Variants in DDX31 observed in about 807,000 individuals in gnomAD.
DDX31 encodes ATP-dependent DNA helicase DDX31.
A neutral mutation model predicts 91.3 loss-of-function variants in DDX31; 70 were observed. The ratio of observed to expected loss-of-function variants is 0.77; its 90% CI spans 0.63 to 0.94. DDX31 has a LOEUF of 0.94. DDX31 is among the 40% of genes least tolerant of loss of function. The probability of loss-of-function intolerance (pLI) is 0.00; values close to 1 mark genes in which losing one functional copy is unlikely to be tolerated. For synonymous variants in DDX31, 362 were observed against 350.6 expected (o/e 1.03, Z -0.36); for missense variants, 902 against 925.0 (o/e 0.98, Z 0.32).
At chr9:132,619,448 C>T (rs1018413055) in intron 17 of DDX31, among the ~76,000 whole-genome samples, 5 of 152,096 alleles carry the variant, frequency 3.3e-5, no homozygotes, top group Non-Finnish European at 5.9e-5. Context: ...TTGTAGAGGA[C>T]GGTGTATGAG....
Position 132,594,539 on chromosome 9 carries a change from G to A in DDX31, c.*327C>T, listed in dbSNP as rs1315783521. The A allele has an allele frequency of 1.6e-5, 4 of 254,302 alleles. No homozygotes were observed. Among genetic ancestry groups the A allele is most frequent in the South Asian group, 1.5e-4 (2 of 13,756 alleles). The allele number at this position is 254,302 out of a possible 1,614,324, so 15.8% of individuals were successfully genotyped here. On this transcript the variant is annotated 3_prime_UTR_variant, in exon 20 of 20. Transcript: ENST00000372159. ...CCCGTTCCAGGCTGACGCGCAGGGC[G>A]TTCTTACATCACATCCCGGGGTGCC...
Position 132,649,973 on chromosome 9 carries a change from T to C in DDX31, c.740+261A>G, listed in dbSNP as rs188230722. Reference sequence around the variant, plus strand: ...ACTAAACCAGGGATGCTATAGAGCATTGGGTAGGTGGGAGTTAAGAAGTTG... The same window carrying C: ...ACTAAACCAGGGATGCTATAGAGCACTGGGTAGGTGGGAGTTAAGAAGTTG... On this transcript the variant is annotated intron_variant, in intron 9 of 19. Coordinates refer to ENST00000372159, the MANE Select transcript of DDX31 (RefSeq NM_022779.9). Among the ~76,000 whole-genome samples the C allele has an allele frequency of 1.7e-3, 263 of 152,244 alleles. 1 individual carries two copies. The highest frequency in any genetic ancestry group is 6.0e-3 in the African/African-American group (249 of 41,544).
intron 6 of DDX31, among the ~76,000 whole-genome samples, chr9:132,653,572 C>CA (rs1834355799): frequency 1.6e-5 from 1 of 61,334 alleles, no homozygotes; most frequent in African/African-American, 5.3e-5. Flanking sequence ...TTAATAGCAA[C>CA]AAAAAAGATA....
chr9:132,653,626 A>G (rs1230972005), intron 6 of DDX31, among the ~76,000 whole-genome samples: 1 of 151,894 alleles, frequency 6.6e-6, no homozygotes, highest in African/African-American at 2.4e-5. Flanking sequence ...ATCTATATGA[A>G]GAAAATTTAA....
chr9:132,663,316 C>T, intron 1 of DDX31: 1 of 1,289,018 alleles, frequency 7.8e-7, no homozygotes, highest in Non-Finnish European at 1.0e-6. Context: ...CGCCCTGTTC[C>T]CATTCCAAAT....
At position 132,650,303 on chromosome 9, in the gene DDX31, A is replaced by G; in HGVS notation, c.676-5T>C. Reference sequence around the variant, plus strand: ...AGGCACAATCCAGGTGAAAGGCTACAGAAAGACAGCAGACCACAGTCAGTG... The same window carrying G: ...AGGCACAATCCAGGTGAAAGGCTACGGAAAGACAGCAGACCACAGTCAGTG... On this transcript the variant is annotated splice_polypyrimidine_tract_variant and splice_region_variant and intron_variant, in intron 8 of 19. Transcript: ENST00000372159. 6.2e-7 allele frequency: 1 copy of G among 1,614,164 alleles called. No individual in the cohort carries two copies. Among genetic ancestry groups the G allele is most frequent in the Non-Finnish European group, 8.5e-7 (1 of 1,179,982 alleles).
rs766265730 is a variant in DDX31, at chr9:132,594,889, T to G, written c.2218A>C (p.Ser740Arg). Residue 740 changes from serine to arginine, a missense_variant, in exon 20 of 20, where the codon AGC becomes CGC. Transcript: ENST00000372159. Reference sequence around the variant, plus strand: ...TTTTAAACTTTCTGGGAAGTCTTGCTGTCCCGCTGTACACCTTTTTGGGTT... The same window carrying G: ...TTTTAAACTTTCTGGGAAGTCTTGCGGTCCCGCTGTACACCTTTTTGGGTT... Reference protein sequence around the residue: ...RKTQKGVQRDSKTSQKV With the variant: ...RKTQKGVQRDRKTSQKV 11 of 1,613,792 alleles carry G rather than the reference T, an allele frequency of 6.8e-6. No homozygotes were observed. In the South Asian group the frequency reaches 1.1e-4, roughly 16 times the overall value.
rs772395819 is a variant in DDX31, at chr9:132,648,417, T to C, written c.860+15A>G. ...CCTTCTCTTCTACCTGTTATCATCC[T>C]GGGACGAGGCTCACCTGTCTGCTTC... is the stretch of plus-strand genomic sequence containing the variant. On this transcript the variant is annotated intron_variant, in intron 10 of 19. Transcript: ENST00000372159. The C allele has an allele frequency of 1.2e-6, 2 of 1,612,252 alleles. No homozygotes were observed. The highest frequency in any genetic ancestry group is 8.5e-7 in the Non-Finnish European group (1 of 1,179,382).
In DDX31 at chr9:132,625,677, C is replaced by A; in HGVS notation, c.1700G>T (p.Arg567Leu). 6.2e-7 allele frequency: 1 copy of A among 1,613,860 alleles called. No individual in the cohort carries two copies. The highest frequency in any genetic ancestry group is 8.5e-7 in the Non-Finnish European group (1 of 1,179,834). Residue 567 changes from arginine to leucine, a missense_variant, in exon 17 of 20, where the codon CGA becomes CTA. Coordinates refer to ENST00000372159, the MANE Select transcript of DDX31 (RefSeq NM_022779.9). ...AACAAAACTCACCTGGGCTCCCCAT[C>A]GTTTCCCTTTAAAACAATCATCTCT... Reference protein sequence around the residue: ...LTRDDCFKGKRWGAQKSHAVG... With the variant: ...LTRDDCFKGKLWGAQKSHAVG...
chr9:132,611,848 A>T (rs1470827338), intron 19 of DDX31, among the ~76,000 whole-genome samples: 1 of 152,086 alleles, frequency 6.6e-6, no homozygotes, highest in East Asian at 1.9e-4. Context: ...GGACCGCAGC[A>T]CAACTGAAGC....
intron 5 of DDX31, 60 bp from the exon 6 acceptor site, chr9:132,658,795 C>G (rs1834748423): frequency 6.6e-7 from 1 of 1,517,450 alleles, no homozygotes; most frequent in African/African-American, 1.4e-5. Flanking sequence ...TTAAGAAAAG[C>G]AAAGGATGTA....
At chr9:132,614,702 G>T (rs921220297) in intron 18 of DDX31, among the ~76,000 whole-genome samples, 1 of 152,150 alleles carries the variant, frequency 6.6e-6, no homozygotes, top group African/African-American at 2.4e-5. Context: ...GCTGAGCACT[G>T]AGAGCATCTG....
chr9:132,646,355 C>T lies in DDX31; in HGVS notation c.1204-284G>A, dbSNP rs151053233. On this transcript the variant is annotated intron_variant, in intron 12 of 19. Coordinates refer to ENST00000372159, the MANE Select transcript of DDX31 (RefSeq NM_022779.9). ...GTGTGGGAGCTCCGTTCCCTTTATT[C>T]GCCCAGGGCTTGCCACATGCAACAC... is the stretch of plus-strand genomic sequence containing the variant. 2.9e-3 allele frequency among the ~76,000 whole-genome samples: 444 copies of T among 152,290 alleles called. 3 individuals carry two copies. The highest frequency in any genetic ancestry group is 0.02 in the Middle Eastern group (6 of 294).
intron 14 of DDX31, chr9:132,638,234 T>C: frequency 6.3e-7 from 1 of 1,576,212 alleles, no homozygotes; most frequent in Non-Finnish European, 8.6e-7. Context: ...AAACCTAATG[T>C]CAGCCTTAAA....
intron 4 of DDX31, among the ~76,000 whole-genome samples, chr9:132,660,251 C>T (rs1401191103): frequency 6.6e-6 from 1 of 151,140 alleles, no homozygotes; most frequent in South Asian, 2.1e-4. Flanking sequence ...AGGAGAATCG[C>T]TTGAACCTGG....
Position 132,665,591 on chromosome 9 carries a change from A to C in DDX31, c.76-2896T>G, listed in dbSNP as rs530422184. ...AGCAAGGACATATCTGAATCTACTA[A>C]AAATTACTACTAAAAATCTAAAATC... On this transcript the variant is annotated intron_variant, in intron 1 of 19. Coordinates refer to ENST00000372159, the MANE Select transcript of DDX31 (RefSeq NM_022779.9). Among the ~76,000 whole-genome samples, 16 of 152,294 alleles carry C rather than the reference A, an allele frequency of 1.1e-4. No individual in the cohort carries two copies. The South Asian group carries it at 3.1e-3, about 30-fold the overall frequency.
At chr9:132,610,447 A>G (rs1338243334) in intron 19 of DDX31, among the ~76,000 whole-genome samples, 1 of 152,198 alleles carries the variant, frequency 6.6e-6, no homozygotes, top group African/African-American at 2.4e-5. Flanking sequence ...AAAAGAATCA[A>G]GCATCTTAAA....
At chr9:132,627,918 C>A (rs78085780) in intron 16 of DDX31, among the ~76,000 whole-genome samples, 1 of 152,228 alleles carries the variant, frequency 6.6e-6, no homozygotes, top group Non-Finnish European at 1.5e-5. Context: ...CATGCACATG[C>A]TTCCTCCTCA....
chr9:132,666,738 G>C (rs1467282556), intron 1 of DDX31, among the ~76,000 whole-genome samples: 1 of 148,500 alleles, frequency 6.7e-6, no homozygotes, highest in Non-Finnish European at 1.5e-5. Context: ...ACAGAGTCTC[G>C]CTCTGTCGCC....
Sources: allele counts gnomAD v4.1 joint callset (sites outside exome capture counted in the v4.1 genomes callset), GRCh38; gene constraint gnomAD v4.1.1; transcripts MANE v1.5; gene names NCBI Gene and HGNC (gene_info 2026-07-23, HGNC 2026-07-21).